ATP6V0D2: variants seen among roughly 807,000 people sequenced by gnomAD.
ATP6V0D2 encodes the protein V-type proton ATPase subunit d 2.
Under a neutral mutation model 40.0 loss-of-function variants are expected in ATP6V0D2, and 40 were observed. That is an observed-to-expected ratio of 1.00 (90% CI 0.78 to 1.30). The LOEUF (loss-of-function observed/expected upper bound fraction) is 1.30, where lower values mean the gene tolerates loss of function less well. Ranked by LOEUF, ATP6V0D2 falls within the 50% of genes most tolerant of loss-of-function variation. The probability of loss-of-function intolerance (pLI) is 0.00; values close to 1 mark genes in which losing one functional copy is unlikely to be tolerated. For synonymous variants in ATP6V0D2, 179 were observed against 156.3 expected (o/e 1.15, Z -1.08); for missense variants, 470 against 423.1 (o/e 1.11, Z -0.97).
chr8:86,129,449 G>A (rs1186816067), intron 2 of ATP6V0D2, among the ~76,000 whole-genome samples: 2 of 152,186 alleles, frequency 1.3e-5, no homozygotes, highest in African/African-American at 4.8e-5. Context: ...GCTGAGGTGG[G>A]AGGACTGCCT....
intron 6 of ATP6V0D2, among the ~76,000 whole-genome samples, chr8:86,150,943 C>T (rs1438635089): frequency 1.3e-5 from 2 of 152,168 alleles, no homozygotes; most frequent in African/African-American, 4.8e-5. Context: ...TCTTTTCCTC[C>T]AGATTTCTGA....
rs1438847361 is a variant in ATP6V0D2, at chr8:86,153,996, C to CTCT, written c.*1020_*1021insCTT. ...TCTTGGCCAGGCTGATCTTGAACTC[C>CTCT]TGAGCTCATGATCCACCCGCCTCAG... On this transcript the variant is annotated 3_prime_UTR_variant, in exon 8 of 8. Transcript: ENST00000285393. 6.6e-6 allele frequency: 1 copy of CTCT among 152,068 alleles called. No homozygotes were observed. The highest frequency in any genetic ancestry group is 1.5e-5 in the Non-Finnish European group (1 of 68,042). 9.4% of individuals were successfully genotyped at this position (152,068 alleles called of 1,614,324 possible).
chr8:86,131,490 C>T (rs1388162230), intron 2 of ATP6V0D2, among the ~76,000 whole-genome samples: 1 of 151,880 alleles, frequency 6.6e-6, no homozygotes, highest in Non-Finnish European at 1.5e-5. Context: ...TGAGCCACTA[C>T]ATCCAGCCAT....
At chr8:86,146,337 G>A (rs1037968270) in intron 5 of ATP6V0D2, among the ~76,000 whole-genome samples, 3 of 152,048 alleles carry the variant, frequency 2.0e-5, no homozygotes, top group Non-Finnish European at 2.9e-5. Context: ...TGTTCTCATG[G>A]TACTTTTCCA....
intron 1 of ATP6V0D2, among the ~76,000 whole-genome samples, chr8:86,110,444 T>G (rs923799413): frequency 6.6e-6 from 1 of 152,198 alleles, no homozygotes; most frequent in African/African-American, 2.4e-5. Context: ...AAAATTAAGT[T>G]TGTTGAGGCA....
rs536707158 is a variant in ATP6V0D2, at chr8:86,113,862, C to A, written c.284C>A (p.Thr95Lys). 5.0e-6 allele frequency: 8 copies of A among 1,612,986 alleles called. No individual in the cohort carries two copies. In the African/African-American group the frequency reaches 6.7e-5, roughly 13 times the overall value. ...AATCATTCCCTGGAGCCCCTCAGCA[C>A]ATTTCTCACCTATATGACGTAAGTG... The part of the protein sequence containing the change: ...FRNHSLEPLS[T>K]FLTYMTCSYM... Residue 95 changes from threonine (T) to lysine (K), a missense_variant, in exon 2 of 8, where the codon ACA becomes AAA. By Grantham distance (78) the Thr-to-Lys change is moderately conservative. Transcript: ENST00000285393.
chr8:86,112,668 A>G (rs1818539989), intron 1 of ATP6V0D2, among the ~76,000 whole-genome samples: 1 of 152,084 alleles, frequency 6.6e-6, no homozygotes, highest in Non-Finnish European at 1.5e-5. Flanking sequence ...GGGTGGGGGA[A>G]GAAATTCTAG....
intron 2 of ATP6V0D2, among the ~76,000 whole-genome samples, chr8:86,118,535 G>T (rs1477799966): frequency 2.0e-5 from 3 of 152,084 alleles, no homozygotes; most frequent in Admixed American, 1.3e-4. Context: ...CCCAGTGATG[G>T]TTGGGAGGAA....
At chr8:86,117,993 T>G (rs1003254399) in intron 2 of ATP6V0D2, among the ~76,000 whole-genome samples, 2 of 147,692 alleles carry the variant, frequency 1.4e-5, no homozygotes, top group Admixed American at 1.4e-4. Flanking sequence ...TTTCTTTTCT[T>G]TCTCTTTGTT....
At chr8:86,134,530 G>A (rs1042054470) in intron 2 of ATP6V0D2, among the ~76,000 whole-genome samples, 3 of 152,114 alleles carry the variant, frequency 2.0e-5, no homozygotes, top group Admixed American at 2.0e-4. Flanking sequence ...GTTATAAACA[G>A]GGAAGGAAAA....
At chr8:86,129,571 G>A (rs1586095393) in intron 2 of ATP6V0D2, among the ~76,000 whole-genome samples, 1 of 152,166 alleles carries the variant, frequency 6.6e-6, no homozygotes, top group Non-Finnish European at 1.5e-5. Context: ...CTGCACTTTG[G>A]GAGGCCGAGG....
chr8:86,130,797 C>T (rs1818813511), intron 2 of ATP6V0D2, among the ~76,000 whole-genome samples: 1 of 152,100 alleles, frequency 6.6e-6, no homozygotes, highest in African/African-American at 2.4e-5. Context: ...TGCCTCTGTC[C>T]TCTTCCCCAT....
chr8:86,144,648 C>T (rs777108354), intron 5 of ATP6V0D2, among the ~76,000 whole-genome samples: 6 of 151,942 alleles, frequency 3.9e-5, no homozygotes, highest in African/African-American at 4.8e-5. Flanking sequence ...TTTGCTATTC[C>T]TTATTGAGAT....
chr8:86,122,313 A>G (rs1451339151), intron 2 of ATP6V0D2, among the ~76,000 whole-genome samples: 1 of 152,224 alleles, frequency 6.6e-6, no homozygotes, highest in Admixed American at 6.5e-5. Context: ...CCTAATTCTC[A>G]GTTTACTAAG....
intron 2 of ATP6V0D2, among the ~76,000 whole-genome samples, chr8:86,118,735 C>T (rs1818628782): frequency 6.6e-6 from 1 of 152,094 alleles, no homozygotes; most frequent in Non-Finnish European, 1.5e-5. Flanking sequence ...GGAAAAATAA[C>T]AATCAATATA....
At chr8:86,103,136 A>T (rs1818424949) in intron 1 of ATP6V0D2, among the ~76,000 whole-genome samples, 1 of 151,510 alleles carries the variant, frequency 6.6e-6, no homozygotes, top group Admixed American at 6.6e-5. Flanking sequence ...TTTCTTTTTG[A>T]GACGGAGTTT....
rs75781406 is a variant in ATP6V0D2, at chr8:86,102,392, A to G, written c.130+3284A>G. Among the ~76,000 whole-genome samples the G allele has an allele frequency of 3.9e-5, 6 of 152,212 alleles. No homozygotes were observed. In the East Asian group the frequency reaches 9.6e-4, roughly 24 times the overall value. On this transcript the variant is annotated intron_variant, in intron 1 of 7. Transcript: ENST00000285393. The stretch of plus-strand genomic sequence containing the variant: ...ATTTTAGTTTACTTTTGCACAAAAT[A>G]TACACCATACAAACTATGGATAAAC...
chr8:86,138,946 G>A (rs1563563970), intron 2 of ATP6V0D2, among the ~76,000 whole-genome samples: 1 of 152,178 alleles, frequency 6.6e-6, no homozygotes, highest in Non-Finnish European at 1.5e-5. Context: ...TCATGGCCAG[G>A]TGCAGGCACC....
At chr8:86,107,487 G>A (rs993776237) in intron 1 of ATP6V0D2, among the ~76,000 whole-genome samples, 5 of 152,150 alleles carry the variant, frequency 3.3e-5, no homozygotes, top group African/African-American at 9.6e-5. Context: ...TGGAAAACAG[G>A]AACAAGTTAC....
Sources: allele counts gnomAD v4.1 joint callset (sites outside exome capture counted in the v4.1 genomes callset), GRCh38; gene constraint gnomAD v4.1.1; transcripts MANE v1.5; gene names NCBI Gene and HGNC (gene_info 2026-07-23, HGNC 2026-07-21).